RNF150: variants seen among roughly 807,000 people sequenced by gnomAD.
The protein encoded by RNF150 is ring finger protein 150.
In RNF150, 24 loss-of-function variants were observed where a neutral mutation model predicts 39.3. That is an observed-to-expected ratio of 0.61 (90% CI 0.44 to 0.86). RNF150 has a LOEUF of 0.86. Ranked by LOEUF, RNF150 falls within the 40% of genes least tolerant of loss-of-function variation. RNF150 has a pLI of 0.00. For synonymous variants in RNF150, 255 were observed against 227.3 expected, an observed-to-expected ratio of 1.12 and a Z score of -1.10; for missense variants, 502 against 587.8, an observed-to-expected ratio of 0.85 and a Z score of 1.51.
intron 1 of RNF150, among the ~76,000 whole-genome samples, chr4:141,167,027 T>C (rs1290644519): frequency 6.6e-6 from 1 of 152,158 alleles, no homozygotes; most frequent in Non-Finnish European, 1.5e-5. Flanking sequence ...GATGACATGA[T>C]TGTACATTTA....
intron 1 of RNF150, among the ~76,000 whole-genome samples, chr4:141,041,926 T>C (rs1025641612): frequency 1.3e-5 from 2 of 152,132 alleles, no homozygotes; most frequent in South Asian, 2.1e-4. Context: ...GAAAAATATA[T>C]AATCTAATTT....
intron 1 of RNF150, among the ~76,000 whole-genome samples, chr4:140,970,780 A>T (rs1283028228): frequency 6.6e-6 from 1 of 152,224 alleles, no homozygotes; most frequent in East Asian, 1.9e-4. Flanking sequence ...TATAATATCC[A>T]CTTAGAAAGA....
intron 1 of RNF150, among the ~76,000 whole-genome samples, chr4:141,196,226 GT>G (rs1728199010): frequency 6.6e-6 from 1 of 152,090 alleles, no homozygotes; most frequent in South Asian, 2.1e-4. Flanking sequence ...TCTTTCTTCT[GT>G]TAAAAAAACC....
At chr4:140,941,974 G>A (rs879845126) in intron 4 of RNF150, among the ~76,000 whole-genome samples, 17 of 151,914 alleles carry the variant, frequency 1.1e-4, no homozygotes, top group Non-Finnish European at 1.6e-4. Flanking sequence ...AAAATAAAAC[G>A]CGCACAAAAT....
intron 2 of RNF150, 35 bp downstream of exon 2, chr4:140,967,588 A>G (rs555290538): frequency 2.2e-5 from 34 of 1,553,472 alleles, no homozygotes; most frequent in Admixed American, 1.2e-4. Flanking sequence ...TTTTTGTAAC[A>G]ATTTTTAAAA....
chr4:140,909,234 T>C (rs961071083), intron 6 of RNF150, among the ~76,000 whole-genome samples: 5 of 152,186 alleles, frequency 3.3e-5, no homozygotes, highest in Non-Finnish European at 5.9e-5. Flanking sequence ...TGACCTTTAA[T>C]GTTCTCTTCC....
At chr4:140,993,876 T>G (rs1734275484) in intron 1 of RNF150, among the ~76,000 whole-genome samples, 1 of 152,106 alleles carries the variant, frequency 6.6e-6, no homozygotes, top group Non-Finnish European at 1.5e-5. Context: ...GAATTCTAAG[T>G]AAGATGGTGA....
chr4:141,071,259 C>A (rs1245230594), intron 1 of RNF150, among the ~76,000 whole-genome samples: 3 of 145,318 alleles, frequency 2.1e-5, no homozygotes, highest in Non-Finnish European at 4.5e-5. Context: ...GGAGGGATAG[C>A]ATTGGGAGAT....
chr4:141,179,736 A>C (rs773157867), intron 1 of RNF150, among the ~76,000 whole-genome samples: 18 of 152,314 alleles, frequency 1.2e-4, no homozygotes, highest in Non-Finnish European at 2.2e-4. Context: ...TCCTTATGCT[A>C]TACCATGTCG....
chr4:141,053,435 T>A (rs1003372714), intron 1 of RNF150, among the ~76,000 whole-genome samples: 8 of 150,770 alleles, frequency 5.3e-5, no homozygotes, highest in African/African-American at 2.0e-4. Flanking sequence ...GAGAAGGGAG[T>A]GATATATGAG....
intron 6 of RNF150, among the ~76,000 whole-genome samples, chr4:140,885,678 T>TCCTCGGCCTCCCAG (rs1729544997): frequency 6.7e-6 from 1 of 148,354 alleles, no homozygotes; most frequent in Non-Finnish European, 1.5e-5. Flanking sequence ...TCAGGTGATC[T>TCCTCGGCCTCCCAG]GCCCACCTCG....
chr4:141,161,036 T>A (rs574274936), intron 1 of RNF150, among the ~76,000 whole-genome samples: 1 of 151,826 alleles, frequency 6.6e-6, no homozygotes, highest in East Asian at 1.9e-4. Flanking sequence ...TGAGCAGAGG[T>A]TGGAAGAGTT....
chr4:141,143,604 A>T (rs987276489), intron 1 of RNF150, among the ~76,000 whole-genome samples: 4 of 152,116 alleles, frequency 2.6e-5, no homozygotes, highest in Non-Finnish European at 5.9e-5. Flanking sequence ...AAGTCAGTGG[A>T]CTTCTTAAAA....
chr4:140,955,769 T>G (rs1455286621), intron 2 of RNF150, among the ~76,000 whole-genome samples: 1 of 152,242 alleles, frequency 6.6e-6, no homozygotes. Flanking sequence ...CCTTGGTGGC[T>G]GAGACTTGGC....
At chr4:141,008,078 T>C (rs1207899835) in intron 1 of RNF150, among the ~76,000 whole-genome samples, 1 of 152,192 alleles carries the variant, frequency 6.6e-6, no homozygotes, top group Non-Finnish European at 1.5e-5. Flanking sequence ...TGGAAGATCT[T>C]TATCCATTAG....
chr4:140,924,117 A>G (rs1731284055), intron 5 of RNF150, among the ~76,000 whole-genome samples: 1 of 152,204 alleles, frequency 6.6e-6, no homozygotes, highest in South Asian at 2.1e-4. Context: ...AACTTAAAGT[A>G]TAATTAAAAA....
At chr4:140,941,349 TTAGAG>T (rs546843754) in intron 4 of RNF150, among the ~76,000 whole-genome samples, 200 of 152,332 alleles carry the variant, frequency 1.3e-3, no homozygotes, top group Non-Finnish European at 2.5e-3. Context: ...AGATTGCTTC[TTAGAG>T]TAATCTCCAA....
At chr4:140,943,252 C>T (rs952613461) in intron 4 of RNF150, among the ~76,000 whole-genome samples, 2 of 152,046 alleles carry the variant, frequency 1.3e-5, no homozygotes, top group Non-Finnish European at 2.9e-5. Context: ...AAAAAAGACC[C>T]CCAATAATCT....
At chr4:141,128,181 T>C (rs1726800198) in intron 1 of RNF150, among the ~76,000 whole-genome samples, 1 of 152,188 alleles carries the variant, frequency 6.6e-6, no homozygotes, top group Admixed American at 6.5e-5. Flanking sequence ...TGCATGTCGT[T>C]GTGTGTCACT....
Sources: allele counts gnomAD v4.1 joint callset (sites outside exome capture counted in the v4.1 genomes callset), GRCh38; gene constraint gnomAD v4.1.1; transcripts MANE v1.5; gene names NCBI Gene and HGNC (gene_info 2026-07-23, HGNC 2026-07-21).